The following NLGN3 variants were observed in gnomAD, a reference collection of about 807,000 sequenced individuals.
The protein encoded by NLGN3 is neuroligin 3.
A neutral mutation model predicts 42.9 loss-of-function variants in NLGN3; 11 were observed. The ratio of observed to expected loss-of-function variants is 0.26; its 90% CI spans 0.16 to 0.42. The LOEUF is 0.42. Ranked by LOEUF, NLGN3 falls within the 10% of genes least tolerant of loss-of-function variation. NLGN3 has a pLI of 1.00. For missense variants in NLGN3, 374 were observed against 733.8 expected, an observed-to-expected ratio of 0.51 and a Z score of 5.67; for synonymous variants, 279 against 312.7, an observed-to-expected ratio of 0.89 and a Z score of 1.14.
intron 3 of NLGN3, 109 bp from the exon 4 acceptor site, chrX:71,153,368 G>A (rs2092397487): frequency 1.2e-6 from 1 of 809,269 alleles, no homozygotes; most frequent in African/African-American, 2.0e-5. Flanking sequence ...CCTGGGCCCA[G>A]GCCCGGAGCT....
At chrX:71,145,103 C>T (rs1377381913) in intron 1 of NLGN3, 139 bp downstream of exon 1, 1 of 105,618 alleles carries the variant, frequency 9.5e-6, no homozygotes, top group African/African-American at 3.5e-5. Context: ...CATCGGTACC[C>T]CTGACCCCCG....
At position 71,167,210 on chromosome X, in the gene NLGN3, C is replaced by T. The variant is rs374424855; in HGVS notation, c.1113C>T (p.His371=). Residue 371 remains histidine, a synonymous_variant, in exon 7 of 8, where the codon CAC becomes CAT. Transcript: ENST00000358741. ...VEQDIQPARY[H]VAFGPVIDGD... is the part of the protein sequence containing the mutation. ...AGGACATCCAGCCAGCCCGCTACCA[C>T]GTGGCCTTTGGCCCTGTGATTGATG... 1.2e-4 allele frequency: 144 copies of T among 1,210,070 alleles called. No homozygotes were observed. Among genetic ancestry groups the T allele is most frequent in the Middle Eastern group, 4.6e-4 (2 of 4,375 alleles).
intron 6 of NLGN3, among the ~76,000 whole-genome samples, chrX:71,166,111 C>G (rs1465695761): frequency 9.1e-6 from 1 of 109,343 alleles, no homozygotes; most frequent in Non-Finnish European, 1.9e-5. Context: ...GGGACTGGCT[C>G]CCTCTCTGCT....
chrX:71,160,406 G>A (rs984506922), intron 5 of NLGN3, among the ~76,000 whole-genome samples: 5 of 108,474 alleles, frequency 4.6e-5, no homozygotes, highest in African/African-American at 1.3e-4. Flanking sequence ...TAGTAGAGAC[G>A]GGGTTTCACC....
chrX:71,170,338 A>G lies in NLGN3; in HGVS notation c.*241A>G. The G allele has an allele frequency of 1.9e-6, 2 of 1,054,314 alleles. No homozygotes were observed. The highest frequency in any genetic ancestry group is 2.5e-6 in the Non-Finnish European group (2 of 816,306). The allele number at this position is 1,054,314 out of a possible 1,213,427, so 86.9% of individuals were successfully genotyped here. A position where few individuals can be genotyped will look rare whatever the true frequency, so the allele number is the denominator to read the frequency against. The stretch of plus-strand genomic sequence containing the variant: ...ACAAACCCTTTAAATGGGGACGCAG[A>G]TGAGTCCTCGGTAAACCGAGGACCC... On this transcript the variant is annotated 3_prime_UTR_variant, in exon 8 of 8. Coordinates refer to ENST00000358741, the MANE Select transcript of NLGN3 (RefSeq NM_181303.2).
At chrX:71,152,499 C>T (rs1231596583) in intron 3 of NLGN3, among the ~76,000 whole-genome samples, 1 of 110,774 alleles carries the variant, frequency 9.0e-6, no homozygotes, top group African/African-American at 3.3e-5. Context: ...AATCGCACCT[C>T]TAGCACTTCC....
intron 1 of NLGN3, among the ~76,000 whole-genome samples, chrX:71,147,118 C>T (rs1361676203): frequency 9.0e-6 from 1 of 111,496 alleles, no homozygotes; most frequent in Non-Finnish European, 1.9e-5. Flanking sequence ...GACAATCCCA[C>T]CCTGTCCTGA....
intron 3 of NLGN3, 82 bp downstream of exon 3, chrX:71,148,987 C>G: frequency 1.6e-6 from 1 of 612,236 alleles, no homozygotes; most frequent in Non-Finnish European, 2.4e-6. Flanking sequence ...AGGACCCAGC[C>G]TTCCTCCAAG....
intron 7 of NLGN3, among the ~76,000 whole-genome samples, chrX:71,168,898 G>GA (rs59272077): frequency 9.9e-6 from 1 of 100,543 alleles, no homozygotes; most frequent in African/African-American, 4.4e-5. Context: ...AAGAAAGAAA[G>GA]AAAGAAAAAG....
chrX:71,172,400 C>T (rs2092472606), downstream of NLGN3, among the ~76,000 whole-genome samples: 1 of 110,924 alleles, frequency 9.0e-6, no homozygotes, highest in African/African-American at 3.3e-5. Context: ...CAGAAAAGCC[C>T]GTCACAGTTA....
intron 3 of NLGN3, among the ~76,000 whole-genome samples, 173 bp from the exon 4 acceptor site, chrX:71,153,304 G>C (rs749251310): frequency 2.9e-3 from 324 of 113,115 alleles, no homozygotes; most frequent in African/African-American, 1.0e-2. Flanking sequence ...TCCTGATGAA[G>C]GTCTGGGCCT....
chrX:71,166,754 G>T (rs1383178819), intron 6 of NLGN3, among the ~76,000 whole-genome samples: 1 of 111,802 alleles, frequency 8.9e-6, no homozygotes, highest in East Asian at 2.8e-4. Flanking sequence ...TGGGATTCAA[G>T]GGGTTAATTC....
At chrX:71,168,661 G>A (rs2092454950) in intron 7 of NLGN3, among the ~76,000 whole-genome samples, 1 of 102,422 alleles carries the variant, frequency 9.8e-6, no homozygotes, top group African/African-American at 3.6e-5. Context: ...GGCAGAGGTT[G>A]CAGTGAGCCG....
At chrX:71,169,179 T>C in intron 7 of NLGN3, 75 bp from the exon 8 acceptor site, 2 of 1,122,438 alleles carry the variant, frequency 1.8e-6, no homozygotes, top group African/African-American at 1.8e-5. Context: ...GAGGTTTGGC[T>C]GTCAGAGGAA....
intron 1 of NLGN3, among the ~76,000 whole-genome samples, chrX:71,147,012 G>T (rs1234312178): frequency 9.0e-6 from 1 of 111,220 alleles, no homozygotes; most frequent in Non-Finnish European, 1.9e-5. Context: ...TGGCTGTCCC[G>T]CCCTCTGCCC....
chrX:71,161,004 T>G (rs772157213), intron 5 of NLGN3, among the ~76,000 whole-genome samples: 1 of 112,105 alleles, frequency 8.9e-6, no homozygotes, highest in African/African-American at 3.2e-5. Context: ...GAACTAGCAG[T>G]GAGTGACCTC....
rs1340976560 is a variant in NLGN3 at position 71,144,924 on chromosome X, C to T, written c.-241C>T. On this transcript the variant is annotated 5_prime_UTR_variant, in exon 1 of 8. Coordinates refer to ENST00000358741, the MANE Select transcript of NLGN3 (RefSeq NM_181303.2). ...TTGGCCTGGAGGCGATATGGGTGGT[C>T]CGTGGCCCGGTTCAGTCGCTTGCAG... 9.0e-6 allele frequency: 1 copy of T among 111,260 alleles called. No homozygotes were observed. Among genetic ancestry groups the T allele is most frequent in the African/African-American group, 3.3e-5 (1 of 30,504 alleles). The allele number at this position is 111,260 out of a possible 1,213,427, so 9.2% of individuals were successfully genotyped here.
Position 71,167,087 on chromosome X carries a change from C to T in NLGN3, c.990C>T (p.Tyr330=). 1 of 1,211,574 alleles carries T rather than the reference C, an allele frequency of 8.3e-7. No individual in the cohort carries two copies. The highest frequency in any genetic ancestry group is 1.8e-5 in the South Asian group (1 of 56,935). The part of the protein sequence containing the change: ...SWAVNYQPVK[Y]TSLLADKVGC... ...CTGTGAACTACCAACCAGTGAAGTA[C>T]ACCAGCCTGCTGGCAGACAAAGTGG... Residue 330 remains tyrosine (Y), a synonymous_variant, in exon 7 of 8, where the codon TAC becomes TAT. Transcript: ENST00000358741.
At chrX:71,159,806 A>G (rs2092423097) in intron 5 of NLGN3, among the ~76,000 whole-genome samples, 1 of 106,202 alleles carries the variant, frequency 9.4e-6, no homozygotes, top group Non-Finnish European at 1.9e-5. Context: ...CTCACTGCCA[A>G]CCTCTGCCGC....
Sources: allele counts gnomAD v4.1 joint callset (sites outside exome capture counted in the v4.1 genomes callset), GRCh38; gene constraint gnomAD v4.1.1; transcripts MANE v1.5; gene names NCBI Gene and HGNC (gene_info 2026-07-23, HGNC 2026-07-21).